WWOX: variants seen among roughly 807,000 people sequenced by gnomAD.
The protein encoded by WWOX is WW domain-containing oxidoreductase.
In WWOX, 69 loss-of-function variants were observed where a neutral mutation model predicts 46.2. The observed-to-expected ratio is 1.49, with a 90% CI of 1.23 to 1.82. The LOEUF is 1.82. WWOX is among the 40% of genes most tolerant of loss of function. The pLI, the probability that WWOX is intolerant of heterozygous loss-of-function variation, is 0.00. For missense variants in WWOX, 919 were observed against 542.6 expected (o/e 1.69, Z -6.89); for synonymous variants, 359 against 202.6 (o/e 1.77, Z -6.56).
rs1360344842 is a variant in WWOX at position 79,145,444 on chromosome 16, C to A, written c.1057-66164C>A. ...CTCGATCTCCTAGGCTCAAGCAGTC[C>A]TCCCATCTCAACCTCCCAAAGTGTT... On this transcript the variant is annotated intron_variant, in intron 8 of 8. Coordinates refer to ENST00000566780, the MANE Select transcript of WWOX (RefSeq NM_016373.4). 3.3e-5 allele frequency among the ~76,000 whole-genome samples: 5 copies of A among 152,090 alleles called. No individual in the cohort carries two copies. The East Asian group carries it at 9.6e-4, about 29-fold the overall frequency.
In WWOX at chr16:78,702,120, A is replaced by ATATATATT. The variant is rs1207718237; in HGVS notation, c.1056+269371_1056+269372insATATTTAT. ...TAAAGTTATATATATATATATATAT[A>ATATATATT]TATTTATTTATTTTCAAGACATGGT... On this transcript the variant is annotated intron_variant, in intron 8 of 8. Transcript: ENST00000566780. Among the ~76,000 whole-genome samples the ATATATATT allele has an allele frequency of 2.9e-4, 38 of 130,016 alleles. 1 individual carries two copies. Among genetic ancestry groups the ATATATATT allele is most frequent in the African/African-American group, 1.2e-3 (37 of 30,266 alleles). The allele number at this position is 130,016 out of a possible 152,430, so 85.3% of individuals were successfully genotyped here.
chr16:79,042,728 G>GTTTTTTTTTTTTTTTTTTTTT (rs11379084), intron 8 of WWOX, among the ~76,000 whole-genome samples: 3 of 143,126 alleles, frequency 2.1e-5, no homozygotes, highest in Non-Finnish European at 3.0e-5. Context: ...AATACTCAGG[G>GTTTTTTTTTTTTTTTTTTTTT]TTTTTTTTTT....
chr16:78,821,228 A>C (rs972467527), intron 8 of WWOX, among the ~76,000 whole-genome samples: 2 of 152,120 alleles, frequency 1.3e-5, no homozygotes, highest in African/African-American at 4.8e-5. Flanking sequence ...CATGTTGAGC[A>C]TCGTCTGTTA....
At chr16:78,321,541 T>C (rs2151884296) in intron 5 of WWOX, among the ~76,000 whole-genome samples, 1 of 151,820 alleles carries the variant, frequency 6.6e-6, no homozygotes, top group East Asian at 1.9e-4. Context: ...TTGTCTGATG[T>C]TTGTGGGTGT....
chr16:78,716,218 G>A (rs546136644), intron 8 of WWOX, among the ~76,000 whole-genome samples: 2,251 of 152,188 alleles, frequency 0.015, 48 homozygotes, highest in African/African-American at 0.051. Context: ...TGTAGAGGCA[G>A]AGGCAGAGAT....
At chr16:78,261,777 T>C (rs1382828301) in intron 5 of WWOX, among the ~76,000 whole-genome samples, 1 of 37,982 alleles carries the variant, frequency 2.6e-5, no homozygotes, top group Middle Eastern at 0.017. Context: ...TCTATGTATC[T>C]ATCTATCTAT....
intron 8 of WWOX, among the ~76,000 whole-genome samples, chr16:78,464,083 C>A (rs572943469): frequency 2.0e-5 from 3 of 152,120 alleles, no homozygotes; most frequent in Non-Finnish European, 4.4e-5. Context: ...CAGTGACAAC[C>A]GGTCAGGACC....
At chr16:78,926,598 C>A (rs1567654286) in intron 8 of WWOX, among the ~76,000 whole-genome samples, 1 of 152,058 alleles carries the variant, frequency 6.6e-6, no homozygotes, top group Admixed American at 6.6e-5. Flanking sequence ...GTCTGTGATG[C>A]GGGAGTGGTT....
At chr16:78,509,395 C>T (rs1333251331) in intron 8 of WWOX, among the ~76,000 whole-genome samples, 2 of 151,334 alleles carry the variant, frequency 1.3e-5, no homozygotes, top group Non-Finnish European at 2.9e-5. Context: ...GCTGAGTTTG[C>T]ACCACTGCAT....
intron 8 of WWOX, among the ~76,000 whole-genome samples, chr16:78,564,258 T>C (rs1164496660): frequency 6.6e-6 from 1 of 152,242 alleles, no homozygotes; most frequent in African/African-American, 2.4e-5. Context: ...GACAATACTT[T>C]TGAAATTGAC....
At chr16:78,818,732 TA>T (rs1262285841) in intron 8 of WWOX, among the ~76,000 whole-genome samples, 3 of 152,224 alleles carry the variant, frequency 2.0e-5, no homozygotes, top group Non-Finnish European at 4.4e-5. Context: ...CTCTACCATG[TA>T]ACTAGCTTGC....
intron 5 of WWOX, among the ~76,000 whole-genome samples, chr16:78,283,491 T>C (rs1052754628): frequency 2.0e-5 from 3 of 152,234 alleles, no homozygotes; most frequent in Admixed American, 6.5e-5. Flanking sequence ...AATGTCTTCC[T>C]TTTTTAATTG....
intron 5 of WWOX, among the ~76,000 whole-genome samples, chr16:78,372,728 A>G (rs2081722438): frequency 6.6e-6 from 1 of 152,182 alleles, no homozygotes; most frequent in South Asian, 2.1e-4. Context: ...ATCTTTATTT[A>G]ATTTCTTAAT....
At chr16:78,952,736 C>T (rs1027738065) in intron 8 of WWOX, among the ~76,000 whole-genome samples, 1 of 152,084 alleles carries the variant, frequency 6.6e-6, no homozygotes, top group Non-Finnish European at 1.5e-5. Flanking sequence ...CAGTACGCTC[C>T]GTAGGGCATG....
chr16:78,677,258 T>C (rs1427833262), intron 8 of WWOX, among the ~76,000 whole-genome samples: 1 of 152,150 alleles, frequency 6.6e-6, no homozygotes, highest in African/African-American at 2.4e-5. Context: ...CAGGCAGCTG[T>C]TTGACAGGAT....
At chr16:78,311,788 G>A (rs944683497) in intron 5 of WWOX, among the ~76,000 whole-genome samples, 9 of 29,988 alleles carry the variant, frequency 3.0e-4, no homozygotes, top group African/African-American at 1.8e-3. Flanking sequence ...AAAGCAGCCT[G>A]GCGGGGGGGT....
At chr16:79,068,186 A>T (rs761901000) in intron 8 of WWOX, among the ~76,000 whole-genome samples, 10 of 152,172 alleles carry the variant, frequency 6.6e-5, no homozygotes, top group Non-Finnish European at 1.0e-4. Context: ...TGGGTGAATG[A>T]CCCTGTAATC....
At chr16:78,590,146 G>GTCTCTCTCCCTCTCTC (rs1555569773) in intron 8 of WWOX, among the ~76,000 whole-genome samples, 3 of 149,618 alleles carry the variant, frequency 2.0e-5, no homozygotes, top group Non-Finnish European at 4.4e-5. Flanking sequence ...TAGGCATTCA[G>GTCTCTCTCCCTCTCTC]TCTCTCTCTC....
rs1380768746 is a variant in WWOX at position 78,821,867 on chromosome 16, C to T, written c.1056+389115C>T. 2.6e-5 allele frequency among the ~76,000 whole-genome samples: 4 copies of T among 152,158 alleles called. No individual in the cohort carries two copies. The South Asian group carries it at 6.2e-4, about 24-fold the overall frequency. On this transcript the variant is annotated intron_variant, in intron 8 of 8. Transcript: ENST00000566780. Reference sequence around the variant, plus strand: ...AACAATTCTCATCTCCAATTCCCATCTTCAAATATTAAAATAAACTTTTTT... The same window carrying T: ...AACAATTCTCATCTCCAATTCCCATTTTCAAATATTAAAATAAACTTTTTT...
Sources: gnomAD v4.1 joint callset for allele counts (sites outside exome capture counted in the v4.1 genomes callset) on GRCh38, gnomAD v4.1.1 for gene constraint, MANE v1.5 for transcripts, NCBI Gene and HGNC (gene_info 2026-07-23, HGNC 2026-07-21) for gene names.